The following USP34 variants were observed in gnomAD, a reference collection of about 807,000 sequenced individuals.
USP34 encodes ubiquitin carboxyl-terminal hydrolase 34.
Under a neutral mutation model 460.3 loss-of-function variants are expected in USP34, and 70 were observed. The ratio of observed to expected loss-of-function variants is 0.15; its 90% CI spans 0.13 to 0.19. The LOEUF (loss-of-function observed/expected upper bound fraction) is 0.19. USP34 is among the 10% of genes least tolerant of loss of function. The probability of loss-of-function intolerance (pLI) is 1.00; values close to 1 mark genes in which losing one functional copy is unlikely to be tolerated. For synonymous variants in USP34, 1,647 were observed against 1,405.3 expected, an observed-to-expected ratio of 1.17 and a Z score of -3.85; for missense variants, 3,985 against 4,236.2, an observed-to-expected ratio of 0.94 and a Z score of 1.65.
Position 61,470,671 on chromosome 2 carries a change from G to A in USP34, c.22C>T (p.Leu8=), listed in dbSNP as rs1302948961. The change falls in exon 1 of 80, where the codon CTG becomes TTG. Residue 8 remains leucine (L), a synonymous_variant. Coordinates refer to ENST00000398571, the MANE Select transcript of USP34 (RefSeq NM_014709.4). The part of the protein sequence containing the change: MCENCAD[L]VEVLNEISDV... ...TTACTTTCATTTAACACCTCCACCA[G>A]GTCTGCGCAGTTCTCGCACATCGTT... 2 of 1,595,796 alleles carry A rather than the reference G, an allele frequency of 1.3e-6. No homozygotes were observed. The highest frequency in any genetic ancestry group is 1.7e-6 in the Non-Finnish European group (2 of 1,171,474).
chr2:61,304,947 C>G (rs1227932946), intron 27 of USP34, among the ~76,000 whole-genome samples: 2 of 152,084 alleles, frequency 1.3e-5, no homozygotes, highest in East Asian at 1.9e-4. Context: ...AATGAAATCT[C>G]AAAAAACTCT....
At chr2:61,262,116 A>AAAAATAT (rs1553359480) in intron 43 of USP34, among the ~76,000 whole-genome samples, 1 of 47,382 alleles carries the variant, frequency 2.1e-5, no homozygotes, top group African/African-American at 8.2e-5. Flanking sequence ...AAAAAAAAAA[A>AAAAATAT]ATATATATAT....
At chr2:61,365,289 ACACG>A (rs1692398529) in intron 10 of USP34, among the ~76,000 whole-genome samples, 2 of 145,536 alleles carry the variant, frequency 1.4e-5, no homozygotes, top group South Asian at 4.4e-4. Context: ...ACACACACAC[ACACG>A]TGTGTTTATT....
chr2:61,365,309 ATGTGTGTGTGTG>A (rs34664941), intron 10 of USP34, among the ~76,000 whole-genome samples: 1 of 147,850 alleles, frequency 6.8e-6, no homozygotes, highest in Non-Finnish European at 1.5e-5. Context: ...TTATTTATAA[ATGTGTGTGTGTG>A]TGTGTGTATA....
At chr2:61,291,754 T>C (rs1201719137) in intron 33 of USP34, among the ~76,000 whole-genome samples, 1 of 152,178 alleles carries the variant, frequency 6.6e-6, no homozygotes, top group Non-Finnish European at 1.5e-5. Flanking sequence ...CTCCTAAGCA[T>C]ATGCCAAAAA....
intron 27 of USP34, among the ~76,000 whole-genome samples, 168 bp downstream of exon 27, chr2:61,311,372 T>C (rs1690586295): frequency 2.0e-5 from 3 of 150,896 alleles, no homozygotes; most frequent in Admixed American, 2.0e-4. Context: ...ACCTAGTCTG[T>C]AGTATTGTTA....
chr2:61,289,949 G>C (rs1050021563), intron 33 of USP34, among the ~76,000 whole-genome samples: 1 of 152,032 alleles, frequency 6.6e-6, no homozygotes, highest in South Asian at 2.1e-4. Context: ...TAATGAAAAA[G>C]TAAGCCACAG....
At chr2:61,361,375 C>G (rs1692271094) in intron 10 of USP34, among the ~76,000 whole-genome samples, 1 of 152,178 alleles carries the variant, frequency 6.6e-6, no homozygotes, top group South Asian at 2.1e-4. Flanking sequence ...TGAGCTGTGA[C>G]TGAACCACTG....
chr2:61,204,752 G>A, intron 72 of USP34, 151 bp from the exon 73 acceptor site: 1 of 636,750 alleles, frequency 1.6e-6, no homozygotes, highest in African/African-American at 1.8e-5. Flanking sequence ...TCTGTCTTAT[G>A]CTCAATCAAG....
At chr2:61,320,775 C>T (rs1292958405) in intron 21 of USP34, among the ~76,000 whole-genome samples, 3 of 151,864 alleles carry the variant, frequency 2.0e-5, no homozygotes, top group African/African-American at 4.8e-5. Context: ...TTCGGGAGGA[C>T]GAGGTGGGTG....
At chr2:61,272,051 T>C (rs1320413012) in intron 41 of USP34, among the ~76,000 whole-genome samples, 1 of 152,180 alleles carries the variant, frequency 6.6e-6, no homozygotes, top group Non-Finnish European at 1.5e-5. Context: ...CCCTCTGACA[T>C]TTCTGAGTTT....
At chr2:61,431,196 T>C (rs1406322309) in intron 1 of USP34, among the ~76,000 whole-genome samples, 3 of 152,132 alleles carry the variant, frequency 2.0e-5, no homozygotes, top group Non-Finnish European at 4.4e-5. Context: ...ACTATTTTTT[T>C]GTTTTTGTTG....
chr2:61,213,666 T>A (rs1687328670), intron 68 of USP34, among the ~76,000 whole-genome samples: 1 of 152,332 alleles, frequency 6.6e-6, no homozygotes, highest in East Asian at 1.9e-4. Flanking sequence ...GATATAAAAT[T>A]GTCTAGCTCA....
intron 20 of USP34, among the ~76,000 whole-genome samples, chr2:61,327,792 A>G (rs1182641758): frequency 1.3e-5 from 2 of 152,166 alleles, no homozygotes. Context: ...ATTCCTTGGG[A>G]TGTCAGACAA....
intron 41 of USP34, among the ~76,000 whole-genome samples, chr2:61,267,068 A>G (rs1484401540): frequency 6.6e-6 from 1 of 152,232 alleles, no homozygotes; most frequent in African/African-American, 2.4e-5. Flanking sequence ...TATACAATAC[A>G]TCACATGCGT....
At position 61,470,952 on chromosome 2, in the gene USP34, GA is replaced by G. The variant is rs1488291793; in HGVS notation, c.-261del. ...GGGGCGCCGAGGCGCCGGCGGCGGGGAAGGGGGGGAAGGACGGGGGGAGGGG... is the reference window on the plus strand; with the variant it reads ...GGGGCGCCGAGGCGCCGGCGGCGGGGAGGGGGGGAAGGACGGGGGGAGGGG... On this transcript the variant is annotated 5_prime_UTR_variant, in exon 1 of 80. Transcript: ENST00000398571. Among the ~76,000 whole-genome samples, 10 of 135,808 alleles carry G rather than the reference GA, an allele frequency of 7.4e-5. No individual in the cohort carries two copies. Among genetic ancestry groups the G allele is most frequent in the Non-Finnish European group, 1.6e-4 (10 of 61,568 alleles). The allele number at this position is 135,808 out of a possible 152,430, so 89.1% of individuals were successfully genotyped here. A position where few individuals can be genotyped will look rare whatever the true frequency, so the allele number is the denominator to read the frequency against.
At chr2:61,326,130 A>C (rs1487351366) in intron 20 of USP34, among the ~76,000 whole-genome samples, 1 of 152,026 alleles carries the variant, frequency 6.6e-6, no homozygotes, top group Non-Finnish European at 1.5e-5. Flanking sequence ...AAGTCAGGGA[A>C]GAGTGCTGGT....
chr2:61,462,440 T>C (rs976942387), intron 1 of USP34, among the ~76,000 whole-genome samples: 3 of 149,236 alleles, frequency 2.0e-5, no homozygotes, highest in Admixed American at 6.7e-5. Flanking sequence ...TCCCAGCTAC[T>C]TGGGAAGCTG....
chr2:61,392,452 C>T (rs780484590), intron 5 of USP34, among the ~76,000 whole-genome samples: 10 of 151,936 alleles, frequency 6.6e-5, no homozygotes, highest in Non-Finnish European at 1.2e-4. Flanking sequence ...GGCGAAACCC[C>T]GGGTCTACTA....
Sources: allele counts gnomAD v4.1 joint callset (sites outside exome capture counted in the v4.1 genomes callset), GRCh38; gene constraint gnomAD v4.1.1; transcripts MANE v1.5; gene names NCBI Gene and HGNC (gene_info 2026-07-23, HGNC 2026-07-21).